The following THSD7B variants were observed in gnomAD, a reference collection of about 807,000 sequenced individuals.
THSD7B encodes thrombospondin type 1 domain containing 7B.
THSD7B carries 138 observed loss-of-function variants against 213.6 expected under a neutral mutation model. The observed-to-expected ratio is 0.65, with a 90% CI of 0.56 to 0.74. The LOEUF (loss-of-function observed/expected upper bound fraction) is 0.74. Among genes scored for constraint, THSD7B ranks in the 30% least tolerant of loss-of-function variants. THSD7B has a pLI of 0.00. For synonymous variants in THSD7B, 742 were observed against 687.0 expected (o/e 1.08, Z -1.25); for missense variants, 1,931 against 1,991.5 (o/e 0.97, Z 0.58).
intron 1 of THSD7B, among the ~76,000 whole-genome samples, chr2:136,804,054 G>A (rs897962343): frequency 1.3e-5 from 2 of 152,100 alleles, no homozygotes; most frequent in Non-Finnish European, 2.9e-5. Flanking sequence ...GTCTTACCAG[G>A]TATCTGGCAT....
At chr2:137,570,393 C>T (rs556827226) in intron 16 of THSD7B, among the ~76,000 whole-genome samples, 6 of 152,200 alleles carry the variant, frequency 3.9e-5, no homozygotes, top group African/African-American at 1.4e-4. Flanking sequence ...ACTGCAAACT[C>T]AGCCTCCCGG....
At chr2:137,629,628 C>A (rs1253227573) in intron 20 of THSD7B, among the ~76,000 whole-genome samples, 1 of 152,162 alleles carries the variant, frequency 6.6e-6, no homozygotes, top group Non-Finnish European at 1.5e-5. Context: ...AAACAAAACA[C>A]AGATTTCACA....
At chr2:136,986,423 C>A (rs1685673599) in intron 2 of THSD7B, among the ~76,000 whole-genome samples, 1 of 152,188 alleles carries the variant, frequency 6.6e-6, no homozygotes, top group Non-Finnish European at 1.5e-5. Context: ...CGCCATATGA[C>A]CATCCATTCT....
intron 2 of THSD7B, among the ~76,000 whole-genome samples, chr2:137,054,667 A>C (rs1687127075): frequency 6.6e-6 from 1 of 152,160 alleles, no homozygotes; most frequent in South Asian, 2.1e-4. Flanking sequence ...GGAAAGAGAG[A>C]GAGCTTGTGT....
At chr2:137,200,219 C>T (rs1225315964) in intron 7 of THSD7B, among the ~76,000 whole-genome samples, 1 of 151,990 alleles carries the variant, frequency 6.6e-6, no homozygotes, top group Non-Finnish European at 1.5e-5. Flanking sequence ...CTTGTATATT[C>T]CTGTATGCCT....
At chr2:137,435,058 T>C (rs999023120) in intron 14 of THSD7B, among the ~76,000 whole-genome samples, 5 of 152,184 alleles carry the variant, frequency 3.3e-5, no homozygotes, top group African/African-American at 4.8e-5. Flanking sequence ...GAAAAAAATA[T>C]ATTAATACCA....
At chr2:137,361,414 T>C (rs1213507029) in intron 12 of THSD7B, among the ~76,000 whole-genome samples, 1 of 152,092 alleles carries the variant, frequency 6.6e-6, no homozygotes, top group African/African-American at 2.4e-5. Context: ...CTTCAGAAAG[T>C]CGGTAATGAT....
At chr2:137,563,109 G>A (rs1331252233) in intron 15 of THSD7B, 112 bp from the exon 16 acceptor site, 18 of 1,177,554 alleles carry the variant, frequency 1.5e-5, no homozygotes, top group African/African-American at 4.7e-5. Flanking sequence ...TGGCTGTTTG[G>A]GCCAGAGTGC....
chr2:136,864,591 T>C (rs180994990), intron 1 of THSD7B, among the ~76,000 whole-genome samples: 4,902 of 152,108 alleles, frequency 0.032, 112 homozygotes, highest in South Asian at 0.051. Flanking sequence ...CTCACTCTGT[T>C]GCCCAGGCTG....
chr2:136,902,397 T>G (rs1684078430), intron 2 of THSD7B, among the ~76,000 whole-genome samples: 1 of 151,740 alleles, frequency 6.6e-6, no homozygotes, highest in Non-Finnish European at 1.5e-5. Flanking sequence ...TTTTATAGAG[T>G]TTTCAAGCTG....
chr2:137,629,344 C>A (rs1368123848), intron 20 of THSD7B, among the ~76,000 whole-genome samples: 1 of 152,190 alleles, frequency 6.6e-6, no homozygotes, highest in Non-Finnish European at 1.5e-5. Flanking sequence ...TACCAAGTCA[C>A]TGAAACATGA....
At chr2:136,823,431 C>T (rs1242081352) in intron 1 of THSD7B, among the ~76,000 whole-genome samples, 9 of 152,190 alleles carry the variant, frequency 5.9e-5, no homozygotes, top group African/African-American at 9.6e-5. Flanking sequence ...ATTTTGACGA[C>T]GCAAGACGGA....
chr2:137,555,467 C>A (rs557707035), intron 15 of THSD7B, among the ~76,000 whole-genome samples: 5 of 152,208 alleles, frequency 3.3e-5, no homozygotes, highest in African/African-American at 1.2e-4. Flanking sequence ...CTCCAACAGA[C>A]CTGCAGCTGA....
chr2:137,666,432 A>T (rs1683447797), intron 26 of THSD7B, among the ~76,000 whole-genome samples: 1 of 152,130 alleles, frequency 6.6e-6, no homozygotes. Flanking sequence ...TTGAGACTTG[A>T]AAGTGTCCTA....
intron 2 of THSD7B, among the ~76,000 whole-genome samples, chr2:137,039,316 C>T (rs760944299): frequency 4.6e-4 from 70 of 152,084 alleles, no homozygotes; most frequent in Admixed American, 1.2e-3. Context: ...TAGGATTAAA[C>T]GATATATTAA....
In THSD7B at chr2:137,412,206, T is replaced by C. The variant is rs1558788692; in HGVS notation, c.2959+334T>C. ...CAAACAAATATGTTCCATGCTGTTT[T>C]TTCATGCTCTGACCATATACATAGA... On this transcript the variant is annotated intron_variant, in intron 14 of 27. Transcript: ENST00000409968. Among the ~76,000 whole-genome samples the C allele has an allele frequency of 1.3e-5, 2 of 152,150 alleles. 1 individual carries two copies. Among genetic ancestry groups the C allele is most frequent in the South Asian group, 4.1e-4 (2 of 4,834 alleles).
At chr2:137,608,509 T>G (rs1436257632) in intron 17 of THSD7B, among the ~76,000 whole-genome samples, 1 of 152,186 alleles carries the variant, frequency 6.6e-6, no homozygotes, top group Non-Finnish European at 1.5e-5. Flanking sequence ...GTTATGTTGT[T>G]TGATCTTTAA....
intron 1 of THSD7B, among the ~76,000 whole-genome samples, chr2:136,806,788 G>A (rs1682290263): frequency 6.6e-6 from 1 of 152,004 alleles, no homozygotes; most frequent in Non-Finnish European, 1.5e-5. Flanking sequence ...TCTGTTCCAG[G>A]GTCCCACCCT....
intron 9 of THSD7B, among the ~76,000 whole-genome samples, chr2:137,233,899 G>A (rs555566108): frequency 9.8e-5 from 15 of 152,292 alleles, no homozygotes; most frequent in African/African-American, 3.6e-4. Flanking sequence ...GTTCTATCTG[G>A]AAAGATTCCC....
Sources: allele counts gnomAD v4.1 joint callset (sites outside exome capture counted in the v4.1 genomes callset), GRCh38; gene constraint gnomAD v4.1.1; transcripts MANE v1.5; gene names NCBI Gene and HGNC (gene_info 2026-07-23, HGNC 2026-07-21).